The following TUBGCP6 variants were observed in gnomAD, a reference collection of about 807,000 sequenced individuals.
The protein encoded by TUBGCP6 is tubulin gamma complex component 6.
Under a neutral mutation model 175.8 loss-of-function variants are expected in TUBGCP6, and 161 were observed. The observed-to-expected ratio is 0.92, with a 90% CI of 0.81 to 1.04. The LOEUF (loss-of-function observed/expected upper bound fraction) is 1.04, where lower values mean the gene tolerates loss of function less well. Ranked by LOEUF, TUBGCP6 falls within the 50% of genes least tolerant of loss-of-function variation. TUBGCP6 has a pLI of 0.00. For missense variants in TUBGCP6, 2,572 were observed against 2,433.0 expected (o/e 1.06, Z -1.20); for synonymous variants, 1,173 against 1,030.5 (o/e 1.14, Z -2.65).
chr22:50,236,576 C>A (rs1298531901), intron 2 of TUBGCP6, among the ~76,000 whole-genome samples: 1 of 152,116 alleles, frequency 6.6e-6, no homozygotes, highest in Non-Finnish European at 1.5e-5. Context: ...ACACTCACAC[C>A]CCCGTCCTCC....
Position 50,221,623 on chromosome 22 carries a change from A to G in TUBGCP6, c.2736T>C (p.Thr912=). 1.3e-6 allele frequency: 2 copies of G among 1,543,620 alleles called. No individual in the cohort carries two copies. The highest frequency in any genetic ancestry group is 8.7e-7 in the Non-Finnish European group (1 of 1,144,658). The part of the protein sequence containing the change: ...VGPGAEPSVQ[T]GMVPLLEVAL... ...CCACCTCCAGGAGAGGGACCATGCCAGTCTGCACGGACGGCTCAGCCCCTG... is the reference window on the plus strand; with the variant it reads ...CCACCTCCAGGAGAGGGACCATGCCGGTCTGCACGGACGGCTCAGCCCCTG... The change falls in exon 16 of 25, where the codon ACT becomes ACC. Residue 912 remains threonine (T), a synonymous_variant. Coordinates refer to ENST00000248846, the MANE Select transcript of TUBGCP6 (RefSeq NM_020461.4).
chr22:50,226,980 GC>G lies in TUBGCP6; in HGVS notation c.1491+18del, dbSNP rs2064621254. On this transcript the variant is annotated intron_variant, in intron 6 of 24. Transcript: ENST00000248846. ...GGAGCCCACCAGGCTGACACACTCG[GC>G]AGGGACGCACAACTCACGGTGGGAA... 1 of 1,608,946 alleles carries G rather than the reference GC, an allele frequency of 6.2e-7. No homozygotes were observed. The highest frequency in any genetic ancestry group is 8.5e-7 in the Non-Finnish European group (1 of 1,178,106).
chr22:50,219,453 T>TCGGCTG lies in TUBGCP6; in HGVS notation c.4316-3_4318dup (p.Ser1439_Glu1440insAlaAla), dbSNP rs1464863199. The TCGGCTG allele has an allele frequency of 6.3e-7, 1 of 1,579,092 alleles. No individual in the cohort carries two copies. Among genetic ancestry groups the TCGGCTG allele is most frequent in the South Asian group, 1.1e-5 (1 of 87,652 alleles). ...GCGCAAAAGATGAGCAATGGGCGGC[T>TCGGCTG]CGGCTGCGGGAGATGGAGCACGCAC... On this transcript the variant is annotated inframe_insertion, in exon 19 of 25. Transcript: ENST00000248846.
chr22:50,225,606 ACTCCCC>A (rs1569115690), intron 10 of TUBGCP6, among the ~76,000 whole-genome samples, 182 bp downstream of exon 10: 1 of 63,930 alleles, frequency 1.6e-5, no homozygotes, highest in African/African-American at 9.2e-5. Context: ...CTTCATCTCA[ACTCCCC>A]GTTGACACCC....
At chr22:50,226,434 T>C in intron 7 of TUBGCP6, 56 bp from the exon 8 acceptor site, 1 of 1,481,374 alleles carries the variant, frequency 6.8e-7, no homozygotes, top group Admixed American at 2.0e-5. Context: ...GGGTGGGGCG[T>C]GGCTGTCAGT....
In TUBGCP6 at chr22:50,220,249, A is replaced by G. The variant is rs1056686381; in HGVS notation, c.4108+2T>C. On this transcript the variant is annotated splice_donor_variant, in intron 16 of 24. Transcript: ENST00000248846. LOFTEE classifies it high-confidence loss of function. ...CCTGACCACCAGCCACCCTACTCTG[A>G]CCTAGTTCTTCAGAGACACTGTCTC... 6.4e-7 allele frequency: 1 copy of G among 1,551,634 alleles called. No individual in the cohort carries two copies. The highest frequency in any genetic ancestry group is 1.9e-5 in the Admixed American group (1 of 53,772).
intron 20 of TUBGCP6, 81 bp from the exon 21 acceptor site, chr22:50,218,978 G>C (rs2064466773): frequency 6.3e-7 from 1 of 1,590,742 alleles, no homozygotes. Flanking sequence ...GGCTGTGCCA[G>C]AGCAGCAGGG....
chr22:50,220,511 G>A lies in TUBGCP6; in HGVS notation c.3848C>T (p.Ser1283Leu), dbSNP rs2147177297. The A allele has an allele frequency of 1.2e-6, 2 of 1,613,494 alleles. No individual in the cohort carries two copies. The highest frequency in any genetic ancestry group is 3.3e-4 in the Middle Eastern group (2 of 6,062). ...GGGTGTGTTGGGCTCAGCTTCTGGTGAGAGAGCCCCCAGCACCATGTGGGG... is the reference window on the plus strand; with the variant it reads ...GGGTGTGTTGGGCTCAGCTTCTGGTAAGAGAGCCCCCAGCACCATGTGGGG... The part of the protein sequence containing the change: ...PPPHMVLGAL[S>L]PEAEPNTPRP... Residue 1283 changes from serine (S) to leucine (L), a missense_variant, in exon 16 of 25, where the codon TCA (serine) becomes TTA (leucine). Transcript: ENST00000248846.
At chr22:50,222,879 G>T (rs2064550791) in intron 13 of TUBGCP6, 1 of 392,258 alleles carries the variant, frequency 2.5e-6, no homozygotes, top group African/African-American at 2.0e-5. Context: ...GTGGCCTGAA[G>T]CAAGGGGTGA....
At position 50,244,638 on chromosome 22, in the gene TUBGCP6, G is replaced by C; in HGVS notation, c.-179C>G. On this transcript the variant is annotated 5_prime_UTR_variant, in exon 1 of 25. Transcript: ENST00000248846. ...GGAGGTCTTGCGGTTGCTCTACTCA[G>C]AGTAAACACGCCCTGCCCTCCCCAG... is the stretch of plus-strand genomic sequence containing the variant. 9.5e-7 allele frequency: 1 copy of C among 1,054,136 alleles called. No homozygotes were observed. The highest frequency in any genetic ancestry group is 1.3e-6 in the Non-Finnish European group (1 of 756,850). 65.3% of individuals were successfully genotyped at this position (1,054,136 alleles called of 1,614,324 possible). A position where few individuals can be genotyped will look rare whatever the true frequency, so the allele number is the denominator to read the frequency against.
At chr22:50,243,316 C>T (rs2064863296) in intron 1 of TUBGCP6, among the ~76,000 whole-genome samples, 1 of 152,170 alleles carries the variant, frequency 6.6e-6, no homozygotes, top group South Asian at 2.1e-4. Flanking sequence ...GGCGTGGTGG[C>T]ATGCACCTAA....
Position 50,227,915 on chromosome 22 carries a change from C to A in TUBGCP6, c.1404G>T (p.Arg468=). ...GCCATGCTGAGGCTCACCTGAGCTG[C>A]CGGCCAAGTTTCTTGAAGAGAAAAC... ...TIGFLFKKLG[R]QLRYLAELCG... is the part of the protein sequence containing the mutation. Residue 468 remains arginine, a synonymous_variant, in exon 5 of 25, where the codon CGG becomes CGT. Coordinates refer to ENST00000248846, the MANE Select transcript of TUBGCP6 (RefSeq NM_020461.4). 6.3e-7 allele frequency: 1 copy of A among 1,575,346 alleles called. No individual in the cohort carries two copies. Among genetic ancestry groups the A allele is most frequent in the Non-Finnish European group, 8.6e-7 (1 of 1,160,246 alleles).
chr22:50,226,708 C>A, intron 7 of TUBGCP6, 25 bp downstream of exon 7: 1 of 1,553,188 alleles, frequency 6.4e-7, no homozygotes, highest in South Asian at 1.2e-5. Flanking sequence ...GCGCGCCCGC[C>A]GCGCCTGCCC....
intron 1 of TUBGCP6, among the ~76,000 whole-genome samples, chr22:50,241,490 C>T (rs1338057361): frequency 1.3e-5 from 2 of 152,158 alleles, no homozygotes; most frequent in Non-Finnish European, 2.9e-5. Context: ...GGCCCACCCG[C>T]AGTTATCCAG....
rs1397597477 is a variant in TUBGCP6, at chr22:50,222,345, A to C, written c.2409+109T>G. On this transcript the variant is annotated intron_variant, in intron 14 of 24. Transcript: ENST00000248846. ...GAGAGTGCTCTGCCGCAAACGCGAAAGCCACCAGCCCTCTCCTAGAAGAGC... is the reference window on the plus strand; with the variant it reads ...GAGAGTGCTCTGCCGCAAACGCGAACGCCACCAGCCCTCTCCTAGAAGAGC... 4 of 1,508,828 alleles carry C rather than the reference A, an allele frequency of 2.7e-6. No individual in the cohort carries two copies. In the Admixed American group the frequency reaches 7.3e-5, roughly 28 times the overall value. The allele number at this position is 1,508,828 out of a possible 1,614,324, so 93.5% of individuals were successfully genotyped here. A position where few individuals can be genotyped will look rare whatever the true frequency, so the allele number is the denominator to read the frequency against.
In TUBGCP6 at chr22:50,221,023, G is replaced by A. The variant is rs368660390; in HGVS notation, c.3336C>T (p.Asn1112=). Reference sequence around the variant, plus strand: ...CATTCTCCCCGACCCTGATGCTGGCGTTGGACACATGTCCATGGATGTTCC... The same window carrying A: ...CATTCTCCCCGACCCTGATGCTGGCATTGGACACATGTCCATGGATGTTCC... ...PRWNIHGHVS[N]ASIRVGENVS... is the part of the protein sequence containing the mutation. The change falls in exon 16 of 25, where the codon AAC becomes AAT. Residue 1112 remains asparagine, a synonymous_variant. Coordinates refer to ENST00000248846, the MANE Select transcript of TUBGCP6 (RefSeq NM_020461.4). 1.9e-5 allele frequency: 30 copies of A among 1,605,304 alleles called. No homozygotes were observed. The highest frequency in any genetic ancestry group is 3.3e-4 in the Middle Eastern group (2 of 6,016).
In TUBGCP6 at chr22:50,218,278, C is replaced by T; in HGVS notation, c.5079G>A (p.Trp1693Ter). The T allele has an allele frequency of 6.2e-7, 1 of 1,613,140 alleles. No homozygotes were observed. Among genetic ancestry groups the T allele is most frequent in the Non-Finnish European group, 8.5e-7 (1 of 1,179,992 alleles). ...YIANQILHVT[W>*]CEFRARLATV... ...TGGCCAACCTGGCCCTGAACTCGCA[C>T]CAGGTGACGTGCAGGATCTGGTTGG... Residue 1693 changes from tryptophan to a stop codon, truncating the protein, a stop_gained, in exon 23 of 25, where the codon TGG becomes TGA. Transcript: ENST00000248846. LOFTEE classifies it high-confidence loss of function.
chr22:50,237,180 T>A (rs1784843603), intron 2 of TUBGCP6, among the ~76,000 whole-genome samples: 1 of 152,144 alleles, frequency 6.6e-6, no homozygotes, highest in South Asian at 2.1e-4. Context: ...CCGTGAGCAG[T>A]CGGACAATGG....
Position 50,219,939 on chromosome 22 carries a change from A to G in TUBGCP6, c.4167+18T>C. On this transcript the variant is annotated intron_variant, in intron 17 of 24. Transcript: ENST00000248846. ...CCTCCCTGCCTGCTGTGGGACCCCCAGGCTGCATCCACCTAACCTGTGAGT... is the reference window on the plus strand; with the variant it reads ...CCTCCCTGCCTGCTGTGGGACCCCCGGGCTGCATCCACCTAACCTGTGAGT... The G allele has an allele frequency of 6.2e-7, 1 of 1,613,894 alleles. No individual in the cohort carries two copies. The highest frequency in any genetic ancestry group is 8.5e-7 in the Non-Finnish European group (1 of 1,179,864).
Sources: allele counts gnomAD v4.1 joint callset (sites outside exome capture counted in the v4.1 genomes callset), GRCh38; gene constraint gnomAD v4.1.1; transcripts MANE v1.5; gene names NCBI Gene and HGNC (gene_info 2026-07-23, HGNC 2026-07-21).